PKD1: variants seen among roughly 807,000 people sequenced by gnomAD.
PKD1 encodes the protein polycystin 1, transient receptor potential channel interacting.
A neutral mutation model predicts 361.7 loss-of-function variants in PKD1; 81 were observed. The observed-to-expected ratio is 0.22, with a 90% CI of 0.19 to 0.27. The LOEUF is 0.27. Among genes scored for constraint, PKD1 ranks in the 10% least tolerant of loss-of-function variants. The probability of loss-of-function intolerance (pLI) is 1.00; values close to 1 mark genes in which losing one functional copy is unlikely to be tolerated. For missense variants in PKD1, 6,399 were observed against 6,118.3 expected, an observed-to-expected ratio of 1.05 and a Z score of -1.53; for synonymous variants, 3,615 against 2,818.3, an observed-to-expected ratio of 1.28 and a Z score of -8.95.
chr16:2,118,569 C>T lies in PKD1; in HGVS notation c.529+107G>A, dbSNP rs1045090819. 3.6e-5 allele frequency: 35 copies of T among 974,800 alleles called. No individual in the cohort carries two copies. Among genetic ancestry groups the T allele is most frequent in the Admixed American group, 1.0e-4 (5 of 50,170 alleles). 60.4% of individuals were successfully genotyped at this position (974,800 alleles called of 1,614,324 possible). On this transcript the variant is annotated intron_variant, in intron 4 of 45. Coordinates refer to ENST00000262304, the MANE Select transcript of PKD1 (RefSeq NM_001009944.3). This position sits in a 1 kb window ranked among gnomAD's most constrained non-coding sequence, Gnocchi z 6.0. ...AGGCTCCCATGCTGTTCCCTTGGCC[C>T]GGAGGCCCCCCCCAGAGAGGCCTTC...
Position 2,093,177 on chromosome 16 carries a change from G to A in PKD1, c.11017-84C>T, listed in dbSNP as rs999333145. The A allele has an allele frequency of 5.2e-6, 8 of 1,526,442 alleles. No individual in the cohort carries two copies. The Admixed American group carries it at 6.7e-5, about 13-fold the overall frequency. The allele number at this position is 1,526,442 out of a possible 1,614,324, so 94.6% of individuals were successfully genotyped here. Reference sequence around the variant, plus strand: ...TTTGGCAACGGCTGGAGCCATGGCTGCGGCAGGTGTGGCTGCAGGAAGGTG... The same window carrying A: ...TTTGGCAACGGCTGGAGCCATGGCTACGGCAGGTGTGGCTGCAGGAAGGTG... On this transcript the variant is annotated intron_variant, in intron 37 of 45. Coordinates refer to ENST00000262304, the MANE Select transcript of PKD1 (RefSeq NM_001009944.3).
Position 2,097,520 on chromosome 16 carries a change from T to G in PKD1, c.10221-17A>C. 6.2e-7 allele frequency: 1 copy of G among 1,601,412 alleles called. No homozygotes were observed. Among genetic ancestry groups the G allele is most frequent in the Non-Finnish European group, 8.5e-7 (1 of 1,179,694 alleles). Reference sequence around the variant, plus strand: ...CACACCAGACTGCAGGTGGCGCGGGTCAGCAAGGTACCAGGGGATGTGTCA... The same window carrying G: ...CACACCAGACTGCAGGTGGCGCGGGGCAGCAAGGTACCAGGGGATGTGTCA... On this transcript the variant is annotated splice_polypyrimidine_tract_variant and intron_variant, in intron 32 of 45. Transcript: ENST00000262304.
chr16:2,093,800 A>G lies in PKD1; in HGVS notation c.10821+11T>C. 1 of 1,554,294 alleles carries G rather than the reference A, an allele frequency of 6.4e-7. No homozygotes were observed. The highest frequency in any genetic ancestry group is 2.4e-5 in the East Asian group (1 of 41,592). On this transcript the variant is annotated intron_variant, in intron 36 of 45. Coordinates refer to ENST00000262304, the MANE Select transcript of PKD1 (RefSeq NM_001009944.3). Reference sequence around the variant, plus strand: ...TGGAGGCCTGTAGCCTACCCCTGGCAGCCCCCTCACCTTCAGTGGCTCCCA... The same window carrying G: ...TGGAGGCCTGTAGCCTACCCCTGGCGGCCCCCTCACCTTCAGTGGCTCCCA...
In PKD1 at chr16:2,105,904, G is replaced by A. The variant is rs1052074352; in HGVS notation, c.7824C>T (p.Val2608=). 1 of 1,596,698 alleles carries A rather than the reference G, an allele frequency of 6.3e-7. No homozygotes were observed. The highest frequency in any genetic ancestry group is 1.1e-5 in the South Asian group (1 of 90,994). Residue 2608 remains valine, a synonymous_variant, in exon 20 of 46, where the codon GTC becomes GTT. Coordinates refer to ENST00000262304, the MANE Select transcript of PKD1 (RefSeq NM_001009944.3). ...GLLRQADPQH[V]IEYSLALVTV... ...TGACCAGGGCCAACGAGTACTCGATGACGTGCTGGGGATCGGCCTGCCGCA... is the reference window on the plus strand; with the variant it reads ...TGACCAGGGCCAACGAGTACTCGATAACGTGCTGGGGATCGGCCTGCCGCA...
At chr16:2,113,621 C>G (rs553275584) in intron 11 of PKD1, among the ~76,000 whole-genome samples, 3 of 152,194 alleles carry the variant, frequency 2.0e-5, no homozygotes, top group Non-Finnish European at 4.4e-5. Flanking sequence ...CAGCTCCTCA[C>G]CCAGAGAGCT....
Position 2,106,457 on chromosome 16 carries a change from C to T in PKD1, c.7430G>A (p.Arg2477His), listed in dbSNP as rs556618384. Residue 2477 changes from arginine (R) to histidine (H), a missense_variant, in exon 18 of 46, where the codon CGC (arginine) becomes CAC (histidine). Coordinates refer to ENST00000262304, the MANE Select transcript of PKD1 (RefSeq NM_001009944.3). This position sits in a 1 kb window ranked among gnomAD's most constrained non-coding sequence, Gnocchi z 6.5. ...PNRPPLGGSCRLFPLGAVHAL... is the reference protein window; with the variant it reads ...PNRPPLGGSCHLFPLGAVHAL... ...GTGCACAGCGCCCAGTGGGAAGAGG[C>T]GGCAAGAGCCCCCCAGCGGCGGGCG... 183 of 1,589,792 alleles carry T rather than the reference C, an allele frequency of 1.2e-4. 1 individual carries two copies. The East Asian group carries it at 2.8e-3, about 24-fold the overall frequency.
rs1028871539 is a variant in PKD1 at position 2,107,984 on chromosome 16, T to C, written c.6964A>G (p.Thr2322Ala). ...AGCCGCTCCCGTGGAATGGTGACCG[T>C]GCTGCTCCCGCGGGGCCCAAAGTTC... The part of the protein sequence containing the change: ...ALNFGPRGSS[T>A]VTIPRERLAA... Residue 2322 changes from threonine to alanine, a missense_variant, in exon 16 of 46, where the codon ACG becomes GCG. Transcript: ENST00000262304. The C allele has an allele frequency of 3.2e-6, 5 of 1,548,414 alleles. No homozygotes were observed. The highest frequency in any genetic ancestry group is 2.3e-4 in the Middle Eastern group (1 of 4,360).
chr16:2,116,082 C>T lies in PKD1; in HGVS notation c.1759G>A (p.Ala587Thr), dbSNP rs760700980. The change falls in exon 9 of 46, where the codon GCC becomes ACC. Residue 587 changes from alanine (A) to threonine (T), a missense_variant. By Grantham distance (58) the Ala-to-Thr change is moderately conservative (BLOSUM62 0). Transcript: ENST00000262304. The stretch of plus-strand genomic sequence containing the variant: ...CCAAATTCGGCCGTGGTGAGGAAGG[C>T]TTCACGGCTCAGACGCAGGCCCGGG... Reference protein sequence around the residue: ...VFPGLRLSREAFLTTAEFGTQ... With the variant: ...VFPGLRLSRETFLTTAEFGTQ... The T allele has an allele frequency of 1.2e-5, 18 of 1,536,140 alleles. No homozygotes were observed. The highest frequency in any genetic ancestry group is 1.8e-6 in the Non-Finnish European group (2 of 1,130,718).
intron 14 of PKD1, 53 bp downstream of exon 14, chr16:2,112,287 C>T: frequency 1.3e-6 from 2 of 1,510,968 alleles, no homozygotes; most frequent in Non-Finnish European, 9.0e-7. Flanking sequence ...GCTGGGGGGA[C>T]CCCGTGCTCA....
intron 38 of PKD1, 25 bp from the exon 39 acceptor site, chr16:2,092,617 C>T: frequency 6.7e-7 from 1 of 1,498,602 alleles, no homozygotes; most frequent in Non-Finnish European, 9.2e-7. Context: ...GTCACACGCT[C>T]CAGCCCCTAC....
chr16:2,134,707 G>A (rs1299202573), intron 1 of PKD1, among the ~76,000 whole-genome samples: 8 of 148,256 alleles, frequency 5.4e-5, no homozygotes, highest in Admixed American at 6.7e-5. Flanking sequence ...CGGATGGTCA[G>A]AGTCAGGATT....
intron 1 of PKD1, among the ~76,000 whole-genome samples, chr16:2,130,948 C>T (rs2092868500): frequency 6.6e-6 from 1 of 152,206 alleles, no homozygotes; most frequent in Non-Finnish European, 1.5e-5. Flanking sequence ...TGAGTGGCAA[C>T]CAGCACCAGA....
rs1349251807 is a variant in PKD1, at chr16:2,100,166, T to G, written c.9712A>C (p.Ser3238Arg). ...GLVEKEVLAA[S>R]DAALLRFRRL... ...GTGGGAACATGGAACGAGGCCTTAC[T>G]CGCGGCCAGCACCTCCTTCTCCACC... The change falls in exon 28 of 46, where the codon AGC (serine) becomes CGC (arginine). Residue 3238 changes from serine to arginine, a missense_variant and splice_region_variant. By Grantham distance (110) the Ser-to-Arg change is moderately radical (BLOSUM62 -1). Coordinates refer to ENST00000262304, the MANE Select transcript of PKD1 (RefSeq NM_001009944.3). This position sits in a 1 kb window ranked among gnomAD's most constrained non-coding sequence, Gnocchi z 4.4. 6.2e-7 allele frequency: 1 copy of G among 1,608,024 alleles called. No individual in the cohort carries two copies. The highest frequency in any genetic ancestry group is 8.5e-7 in the Non-Finnish European group (1 of 1,177,664).
chr16:2,112,006 C>G lies in PKD1; in HGVS notation c.3296-135G>C, dbSNP rs942611646. ...CCCAGCCTTAAGGGTCCCAGGCTCCCAAGCCACGTGCGGGACGGAGCACAG... is the reference window on the plus strand; with the variant it reads ...CCCAGCCTTAAGGGTCCCAGGCTCCGAAGCCACGTGCGGGACGGAGCACAG... On this transcript the variant is annotated intron_variant, in intron 14 of 45. Coordinates refer to ENST00000262304, the MANE Select transcript of PKD1 (RefSeq NM_001009944.3). 3 of 945,628 alleles carry G rather than the reference C, an allele frequency of 3.2e-6. No individual in the cohort carries two copies. In the African/African-American group the frequency reaches 4.9e-5, roughly 15 times the overall value. 58.6% of individuals were successfully genotyped at this position (945,628 alleles called of 1,614,324 possible).
At position 2,097,185 on chromosome 16, in the gene PKD1, G is replaced by C. The variant is rs1385274120; in HGVS notation, c.10462C>G (p.Gln3488Glu). Reference sequence around the variant, plus strand: ...AGGTCCGTTTCCATGTGGGTGTCTTGGGTAGGGGCTGGGCTGCTGACCCCC... The same window carrying C: ...AGGTCCGTTTCCATGTGGGTGTCTTCGGTAGGGGCTGGGCTGCTGACCCCC... ...AEGVSSPAPT[Q>E]DTHMETDLLS... Residue 3488 changes from glutamine (Q) to glutamate (E), a missense_variant, in exon 34 of 46, where the codon CAA becomes GAA. Physicochemically the swap from Gln to Glu is conservative, Grantham distance 29. Coordinates refer to ENST00000262304, the MANE Select transcript of PKD1 (RefSeq NM_001009944.3). 4 of 1,559,470 alleles carry C rather than the reference G, an allele frequency of 2.6e-6. No homozygotes were observed. The South Asian group carries it at 3.5e-5, about 14-fold the overall frequency.
intron 1 of PKD1, among the ~76,000 whole-genome samples, chr16:2,121,837 G>GGTGTCACCCTCCCCACGAGTGACCCAGCA (rs2092726050): frequency 6.6e-6 from 1 of 152,170 alleles, no homozygotes; most frequent in South Asian, 2.1e-4. Context: ...TACTTCCCCA[G>GGTGTCACCCTCCCCACGAGTGACCCAGCA]GTGTCACCCT....
At chr16:2,115,324 C>T (rs1262425507) in intron 10 of PKD1, 54 bp downstream of exon 10, 2 of 1,432,718 alleles carry the variant, frequency 1.4e-6, no homozygotes, top group South Asian at 1.3e-5. Flanking sequence ...GGGCAGCAGA[C>T]AGGAAGGTGG....
chr16:2,103,510 G>T lies in PKD1; in HGVS notation c.8547C>A (p.Ala2849=). The T allele has an allele frequency of 6.2e-7, 1 of 1,605,582 alleles. No individual in the cohort carries two copies. Residue 2849 remains alanine (A), a synonymous_variant, in exon 23 of 46, where the codon GCC becomes GCA. Transcript: ENST00000262304. Reference sequence around the variant, plus strand: ...CGGCCTGTGTCTGGAATGCCATCGAGGCCACCTTGGTGGAGACGGTGTAGT... The same window carrying T: ...CGGCCTGTGTCTGGAATGCCATCGATGCCACCTTGGTGGAGACGGTGTAGT... ...ISNYTVSTKV[A]SMAFQTQAGA... is the part of the protein sequence containing the mutation.
At chr16:2,115,736 A>G (rs116189075) in intron 9 of PKD1, 111 bp from the exon 10 acceptor site, 103,616 of 1,106,934 alleles carry the variant, frequency 0.094, 9,828 homozygotes, top group African/African-American at 0.44. Context: ...AGGTCTCCCC[A>G]CCTGGGCAGC....
Sources: allele counts gnomAD v4.1 joint callset (sites outside exome capture counted in the v4.1 genomes callset), GRCh38; gene constraint gnomAD v4.1.1; non-coding constraint Gnocchi (gnomAD v3.1); transcripts MANE v1.5; gene names NCBI Gene and HGNC (gene_info 2026-07-23, HGNC 2026-07-21).